The following STARD9 variants were observed in gnomAD, a reference collection of about 807,000 sequenced individuals.
STARD9 encodes the protein StAR related lipid transfer domain containing 9.
A neutral mutation model predicts 399.8 loss-of-function variants in STARD9; 346 were observed. The ratio of observed to expected loss-of-function variants is 0.87; its 90% CI spans 0.79 to 0.95. STARD9 has a LOEUF of 0.95. Ranked by LOEUF, STARD9 falls within the 40% of genes least tolerant of loss-of-function variation. The probability of loss-of-function intolerance (pLI) is 0.00; values close to 1 mark genes in which losing one functional copy is unlikely to be tolerated. For synonymous variants in STARD9, 2,203 were observed against 2,143.5 expected (o/e 1.03, Z -0.77); for missense variants, 5,832 against 5,667.5 (o/e 1.03, Z -0.93).
At chr15:42,716,020 C>G (rs995009799) in intron 26 of STARD9, among the ~76,000 whole-genome samples, 4 of 152,116 alleles carry the variant, frequency 2.6e-5, no homozygotes. Context: ...GTCTTTGTTT[C>G]CTCCTTTATT....
rs757482082 is a variant in STARD9 at position 42,684,522 on chromosome 15, G to C, written c.2944G>C (p.Asp982His). ...TQTRGAKGLADPSHTQAGWRK... is the reference protein window; with the variant it reads ...TQTRGAKGLAHPSHTQAGWRK... ...GACCAGAGGGGCGAAGGGACTAGCAGACCCTAGCCACACACAAGCTGGGTG... is the reference window on the plus strand; with the variant it reads ...GACCAGAGGGGCGAAGGGACTAGCACACCCTAGCCACACACAAGCTGGGTG... The change falls in exon 23 of 33, where the codon GAC (aspartate) becomes CAC (histidine). Residue 982 changes from aspartate (D) to histidine (H), a missense_variant. Asp to His is a moderately conservative substitution (Grantham distance 81). Coordinates refer to ENST00000290607, the MANE Select transcript of STARD9 (RefSeq NM_020759.3). The C allele has an allele frequency of 1.4e-4, 220 of 1,537,150 alleles. 3 individuals are homozygous for C. In the South Asian group the frequency reaches 2.5e-3, roughly 18 times the overall value.
rs2060769754 is a variant in STARD9 at position 42,693,617 on chromosome 15, C to T, written c.12039C>T (p.Ser4013=). 1.3e-6 allele frequency: 2 copies of T among 1,537,150 alleles called. No individual in the cohort carries two copies. Among genetic ancestry groups the T allele is most frequent in the Non-Finnish European group, 1.7e-6 (2 of 1,146,910 alleles). The change falls in exon 23 of 33, where the codon AGC becomes AGT. Residue 4013 remains serine, a synonymous_variant. Coordinates refer to ENST00000290607, the MANE Select transcript of STARD9 (RefSeq NM_020759.3). Reference sequence around the variant, plus strand: ...CCAGGACAACTATCGGGGTCCAAAGCAGACTGCTGCCACCACCACTGAGGC... The same window carrying T: ...CCAGGACAACTATCGGGGTCCAAAGTAGACTGCTGCCACCACCACTGAGGC... ...LQPRTTIGVQ[S]RLLPPPLRHR...
chr15:42,707,228 A>G (rs1225693098), intron 26 of STARD9, among the ~76,000 whole-genome samples: 2 of 152,210 alleles, frequency 1.3e-5, no homozygotes, highest in Non-Finnish European at 2.9e-5. Context: ...GACTTTGAGG[A>G]TATTGGAACC....
At chr15:42,611,046 T>C (rs867613298) in intron 3 of STARD9, among the ~76,000 whole-genome samples, 1 of 152,206 alleles carries the variant, frequency 6.6e-6, no homozygotes, top group Non-Finnish European at 1.5e-5. Flanking sequence ...TCTTGCTTTT[T>C]TCCCCCTTTT....
rs2059391178 is a variant in STARD9 at position 42,634,879 on chromosome 15, A to T, written c.258A>T (p.Glu86Asp). The T allele has an allele frequency of 2.6e-6, 4 of 1,535,082 alleles. No homozygotes were observed. The highest frequency in any genetic ancestry group is 3.5e-6 in the Non-Finnish European group (4 of 1,145,582). The change falls in exon 4 of 33, where the codon GAA becomes GAT. Residue 86 changes from glutamate to aspartate, a missense_variant. Glu to Asp is a conservative substitution (Grantham distance 45). Coordinates refer to ENST00000290607, the MANE Select transcript of STARD9 (RefSeq NM_020759.3). ...QDVVFQDLGM[E>D]VLSGVAKGYN... ...AGGTTTTCCAGGATTTAGGGATGGA[A>T]GTACTGTCTGGAGTTGCCAAAGGCT... is the stretch of plus-strand genomic sequence containing the variant.
Position 42,681,553 on chromosome 15 carries a change from T to G in STARD9, c.2006T>G (p.Ile669Ser). 1 of 1,537,142 alleles carries G rather than the reference T, an allele frequency of 6.5e-7. No individual in the cohort carries two copies. Among genetic ancestry groups the G allele is most frequent in the South Asian group, 1.2e-5 (1 of 84,046 alleles). Residue 669 changes from isoleucine (I) to serine (S), a missense_variant, in exon 21 of 33, where the codon ATT becomes AGT. Physicochemically the swap from Ile to Ser is moderately radical, Grantham distance 142. This residue lies in a region of STARD9 where 5,828 missense variants were observed against 5,651.1 expected (regional missense o/e 1.03). Transcript: ENST00000290607. ...AGGCATCAAATCCTAGCAGAAGAGA[T>G]TCGAGCTGCGAAGGAACTGGAATTT... Reference protein sequence around the residue: ...DLRHQILAEEIRAAKELEFDQ... With the variant: ...DLRHQILAEESRAAKELEFDQ...
rs1283622538 is a variant in STARD9 at position 42,689,858 on chromosome 15, AAGTC to A, written c.8288_8291del (p.Ser2763PhefsTer26). ...ATCCTAGAGTGACTCTGCATGAGCT[AAGTC>A]AGTCAGTTCCGCAGGAGACTGCAGA... On this transcript the variant is annotated frameshift_variant, in exon 23 of 33. Coordinates refer to ENST00000290607, the MANE Select transcript of STARD9 (RefSeq NM_020759.3). LOFTEE classifies it high-confidence loss of function. The A allele has an allele frequency of 1.8e-5, 28 of 1,537,220 alleles. No homozygotes were observed. Among genetic ancestry groups the A allele is most frequent in the African/African-American group, 6.8e-5 (5 of 72,996 alleles).
chr15:42,657,186 G>A (rs1171508478), intron 9 of STARD9, among the ~76,000 whole-genome samples: 1 of 151,676 alleles, frequency 6.6e-6, no homozygotes. Context: ...GTGAAACCCC[G>A]TCTCTACTAA....
chr15:42,598,932 G>GT (rs1338453213), intron 3 of STARD9, among the ~76,000 whole-genome samples: 9 of 151,288 alleles, frequency 5.9e-5, no homozygotes, highest in South Asian at 2.1e-4. Context: ...TTGTTGTTTT[G>GT]TTTTTTTTGG....
intron 3 of STARD9, among the ~76,000 whole-genome samples, chr15:42,590,863 A>C (rs2058379447): frequency 6.6e-6 from 1 of 152,178 alleles, no homozygotes. Flanking sequence ...GGAGGGGACC[A>C]GGCCATTCAT....
In STARD9 at chr15:42,684,632, T is replaced by C; in HGVS notation, c.3054T>C (p.Thr1018=). The C allele has an allele frequency of 6.5e-7, 1 of 1,537,208 alleles. No homozygotes were observed. Among genetic ancestry groups the C allele is most frequent in the Non-Finnish European group, 8.7e-7 (1 of 1,146,904 alleles). The change falls in exon 23 of 33, where the codon ACT becomes ACC. Residue 1018 remains threonine, a synonymous_variant. Coordinates refer to ENST00000290607, the MANE Select transcript of STARD9 (RefSeq NM_020759.3). ...TGTATCCTCATGGACCCAGGCAGAC[T>C]GCTGGGCACGGAAAGGCAGTCAAGA... ...NSLYPHGPRQ[T]AGHGKAVKTF...
chr15:42,603,055 A>G (rs1250691946), intron 3 of STARD9, among the ~76,000 whole-genome samples: 5 of 152,150 alleles, frequency 3.3e-5, no homozygotes. Context: ...GTTTGGCCTC[A>G]TATATTCTTT....
At chr15:42,660,578 GACAA>G (rs1040650754) in intron 9 of STARD9, among the ~76,000 whole-genome samples, 33 of 134,118 alleles carry the variant, frequency 2.5e-4, no homozygotes, top group South Asian at 1.2e-3. Context: ...AAAAAAAACA[GACAA>G]ACAAAAAAAA....
At chr15:42,713,194 C>T (rs944690583) in intron 26 of STARD9, among the ~76,000 whole-genome samples, 23 of 152,120 alleles carry the variant, frequency 1.5e-4, no homozygotes, top group African/African-American at 5.3e-4. Flanking sequence ...TTCCTGTTGA[C>T]AGTATTATAA....
chr15:42,663,249 CT>C, intron 11 of STARD9, 31 bp from the exon 12 acceptor site: 1 of 1,511,566 alleles, frequency 6.6e-7, no homozygotes, highest in South Asian at 1.2e-5. Context: ...ATAATTCCTT[CT>C]TTCTTCCATT....
intron 6 of STARD9, among the ~76,000 whole-genome samples, chr15:42,638,305 T>A (rs2059458271): frequency 1.3e-5 from 2 of 152,180 alleles, no homozygotes; most frequent in African/African-American, 4.8e-5. Context: ...AGGTCTTTCC[T>A]TCTGTGGCCC....
At position 42,689,232 on chromosome 15, in the gene STARD9, T is replaced by G; in HGVS notation, c.7654T>G (p.Leu2552Val). The change falls in exon 23 of 33, where the codon TTG (leucine) becomes GTG (valine). Residue 2552 changes from leucine (L) to valine (V), a missense_variant. Physicochemically the swap from Leu to Val is conservative, Grantham distance 32. Around this residue, in one of 2 missense-constraint regions of STARD9, gnomAD observed 5,828 missense variants for 5,651.1 expected, o/e 1.03. Transcript: ENST00000290607. The part of the protein sequence containing the change: ...SDHASMCLAI[L>V]EEIRQAKAQR... Reference sequence around the variant, plus strand: ...CCATGCATCCATGTGCCTGGCCATCTTGGAGGAGATCAGACAGGCAAAGGC... The same window carrying G: ...CCATGCATCCATGTGCCTGGCCATCGTGGAGGAGATCAGACAGGCAAAGGC... 1 of 1,537,238 alleles carries G rather than the reference T, an allele frequency of 6.5e-7. No homozygotes were observed. Among genetic ancestry groups the G allele is most frequent in the Non-Finnish European group, 8.7e-7 (1 of 1,146,912 alleles).
chr15:42,691,602 G>T lies in STARD9; in HGVS notation c.10024G>T (p.Val3342Leu). The T allele has an allele frequency of 6.5e-7, 1 of 1,537,266 alleles. No individual in the cohort carries two copies. Among genetic ancestry groups the T allele is most frequent in the South Asian group, 1.2e-5 (1 of 84,058 alleles). Reference sequence around the variant, plus strand: ...TTCTCTTCAGGAGCTGAACTTGAGTGTGGAGCCTCCTTCCCCTACAGACGA... The same window carrying T: ...TTCTCTTCAGGAGCTGAACTTGAGTTTGGAGCCTCCTTCCCCTACAGACGA... ...SRSLQELNLS[V>L]EPPSPTDEDT... The change falls in exon 23 of 33, where the codon GTG (valine) becomes TTG (leucine). Residue 3342 changes from valine to leucine, a missense_variant. This residue lies in a region of STARD9 where 5,828 missense variants were observed against 5,651.1 expected (regional missense o/e 1.03). Coordinates refer to ENST00000290607, the MANE Select transcript of STARD9 (RefSeq NM_020759.3).
rs1385495448 is a variant in STARD9 at position 42,691,406 on chromosome 15, G to A, written c.9828G>A (p.Arg3276=). 1 of 1,537,216 alleles carries A rather than the reference G, an allele frequency of 6.5e-7. No homozygotes were observed. The highest frequency in any genetic ancestry group is 2.4e-5 in the East Asian group (1 of 40,914). The change falls in exon 23 of 33, where the codon AGG becomes AGA. Residue 3276 remains arginine, a synonymous_variant. Coordinates refer to ENST00000290607, the MANE Select transcript of STARD9 (RefSeq NM_020759.3). ...AAGACCCAGCCACTGTGTCCTTGAG[G>A]CAAAATGAAACACCGCAGCCTGCTG... The part of the protein sequence containing the change: ...GFKDPATVSL[R]QNETPQPAAQ...
Sources: gnomAD v4.1 joint callset for allele counts (sites outside exome capture counted in the v4.1 genomes callset) on GRCh38, gnomAD v4.1.1 for gene constraint, gnomAD v4.1.1 regional missense constraint, MANE v1.5 for transcripts, NCBI Gene and HGNC (gene_info 2026-07-23, HGNC 2026-07-21) for gene names.